Variants in TENM4 observed in about 807,000 individuals in gnomAD.
TENM4 encodes the protein teneurin transmembrane protein 4.
TENM4 carries 82 observed loss-of-function variants against 243.3 expected under a neutral mutation model. That is an observed-to-expected ratio of 0.34 (90% CI 0.28 to 0.40). The LOEUF (loss-of-function observed/expected upper bound fraction) is 0.40, where lower values mean the gene tolerates loss of function less well. TENM4 is among the 10% of genes least tolerant of loss of function. TENM4 has a pLI of 1.00. For synonymous variants in TENM4, 1,412 were observed against 1,456.3 expected (o/e 0.97, Z 0.69); for missense variants, 3,138 against 3,673.3 (o/e 0.85, Z 3.77).
At chr11:79,219,492 G>A (rs1056290140) in intron 2 of TENM4, among the ~76,000 whole-genome samples, 1 of 152,196 alleles carries the variant, frequency 6.6e-6, no homozygotes, top group African/African-American at 2.4e-5. Flanking sequence ...CAGGCATTGG[G>A]CAGGCTATTA....
chr11:79,416,052 G>A (rs2135580594), intron 1 of TENM4, among the ~76,000 whole-genome samples: 1 of 152,318 alleles, frequency 6.6e-6, no homozygotes, highest in South Asian at 2.1e-4. Flanking sequence ...GATCCATGTT[G>A]TTGGGCTAAT....
intron 6 of TENM4, among the ~76,000 whole-genome samples, chr11:78,967,273 G>A (rs898749086): frequency 6.6e-6 from 1 of 152,166 alleles, no homozygotes; most frequent in African/African-American, 2.4e-5. Flanking sequence ...GCCTAGTGCA[G>A]TGTCTTGCAC....
At chr11:79,023,522 A>C (rs1453306890) in intron 6 of TENM4, among the ~76,000 whole-genome samples, 1 of 150,290 alleles carries the variant, frequency 6.7e-6, no homozygotes, top group Non-Finnish European at 1.5e-5. Context: ...AGATCATGCC[A>C]CTGCACTCCA....
intron 12 of TENM4, among the ~76,000 whole-genome samples, chr11:78,818,202 A>C (rs1857650324): frequency 6.6e-6 from 1 of 152,212 alleles, no homozygotes; most frequent in Non-Finnish European, 1.5e-5. Context: ...CAATGGTATA[A>C]AGTATAGCTC....
intron 3 of TENM4, among the ~76,000 whole-genome samples, chr11:79,188,890 G>C (rs1863425809): frequency 6.6e-6 from 1 of 152,178 alleles, no homozygotes; most frequent in South Asian, 2.1e-4. Context: ...CATGTTACCT[G>C]CAAGCATGCA....
chr11:79,009,098 C>T (rs993973497), intron 6 of TENM4, among the ~76,000 whole-genome samples: 1 of 152,182 alleles, frequency 6.6e-6, no homozygotes, highest in Non-Finnish European at 1.5e-5. Context: ...GTTTACTATA[C>T]AAAGGGCTGT....
chr11:78,848,143 C>T (rs1238674855), intron 12 of TENM4, among the ~76,000 whole-genome samples: 2 of 151,410 alleles, frequency 1.3e-5, no homozygotes, highest in Non-Finnish European at 2.9e-5. Context: ...CTCCCTCCTT[C>T]CCTCCCTCCT....
chr11:79,272,538 A>C (rs915386272), intron 2 of TENM4, among the ~76,000 whole-genome samples: 4 of 152,206 alleles, frequency 2.6e-5, no homozygotes, highest in African/African-American at 7.2e-5. Flanking sequence ...TCTATGGTAC[A>C]TATTAATTCA....
chr11:79,276,725 G>A (rs974123757), intron 2 of TENM4, among the ~76,000 whole-genome samples: 4 of 152,170 alleles, frequency 2.6e-5, no homozygotes, highest in African/African-American at 9.6e-5. Flanking sequence ...GAGACTTTGG[G>A]GGCCTCTACC....
chr11:79,409,141 A>C (rs1858644294), intron 1 of TENM4, among the ~76,000 whole-genome samples: 1 of 149,122 alleles, frequency 6.7e-6, no homozygotes, highest in African/African-American at 2.5e-5. Context: ...CACATGCGTG[A>C]GAGTTAGTGG....
intron 2 of TENM4, among the ~76,000 whole-genome samples, chr11:79,279,228 A>G (rs1006616462): frequency 6.6e-6 from 1 of 152,156 alleles, no homozygotes. Context: ...GTTCATTTTC[A>G]CAGCTGTTTC....
At position 79,229,010 on chromosome 11, in the gene TENM4, T is replaced by C. The variant is rs193012404; in HGVS notation, c.-264-13101A>G. The stretch of plus-strand genomic sequence containing the variant: ...CAGGCTCCTCTTGGCTATGACAATT[T>C]TTTAGATGTTCTTTGTTTTTGATGG... On this transcript the variant is annotated intron_variant, in intron 2 of 33. Transcript: ENST00000278550. Among the ~76,000 whole-genome samples, 31 of 152,326 alleles carry C rather than the reference T, an allele frequency of 2.0e-4. No homozygotes were observed. In the East Asian group the frequency reaches 5.8e-3, roughly 28 times the overall value.
intron 32 of TENM4, among the ~76,000 whole-genome samples, chr11:78,662,253 G>A (rs1371771793): frequency 2.7e-5 from 4 of 150,844 alleles, no homozygotes; most frequent in Admixed American, 1.3e-4. Context: ...GTGCAGTGGC[G>A]TGATCTTGGC....
At chr11:79,096,958 A>T (rs994840578) in intron 4 of TENM4, 1 of 151,476 alleles carries the variant, frequency 6.6e-6, no homozygotes, top group African/African-American at 2.5e-5. Context: ...ACACACACAC[A>T]CACACCCTTC....
At chr11:79,194,477 T>G (rs11237757) in intron 3 of TENM4, among the ~76,000 whole-genome samples, 26,745 of 152,010 alleles carry the variant, frequency 0.18, 3,142 homozygotes, top group Non-Finnish European at 0.25. Context: ...CTGATAGTGA[T>G]ATGATCAATA....
chr11:79,037,316 C>A (rs1859414839), intron 6 of TENM4, among the ~76,000 whole-genome samples: 1 of 152,192 alleles, frequency 6.6e-6, no homozygotes, highest in African/African-American at 2.4e-5. Context: ...AAACCACAGC[C>A]CTTTGGCACT....
At chr11:79,359,935 C>T (rs1212025978) in intron 1 of TENM4, among the ~76,000 whole-genome samples, 5 of 152,014 alleles carry the variant, frequency 3.3e-5, no homozygotes, top group African/African-American at 4.8e-5. Flanking sequence ...GCTTATGTCA[C>T]CATGTGGGGA....
intron 3 of TENM4, among the ~76,000 whole-genome samples, chr11:79,211,608 T>G (rs1253177747): frequency 2.0e-5 from 3 of 152,204 alleles, no homozygotes; most frequent in Non-Finnish European, 4.4e-5. Flanking sequence ...TGCCAAAATG[T>G]AAAACAATGC....
intron 12 of TENM4, among the ~76,000 whole-genome samples, chr11:78,829,230 GT>G (rs889473662): frequency 6.6e-6 from 1 of 152,198 alleles, no homozygotes; most frequent in African/African-American, 2.4e-5. Flanking sequence ...CTGCCCCTCA[GT>G]TCAGGGGTGG....
Sources: allele counts gnomAD v4.1 joint callset (sites outside exome capture counted in the v4.1 genomes callset), GRCh38; gene constraint gnomAD v4.1.1; transcripts MANE v1.5; gene names NCBI Gene and HGNC (gene_info 2026-07-23, HGNC 2026-07-21).